The following IPPK variants were observed in gnomAD, a reference collection of about 807,000 sequenced individuals.
The protein encoded by IPPK is inositol-pentakisphosphate 2-kinase, also known as IPK1 homolog.
A neutral mutation model predicts 64.6 loss-of-function variants in IPPK; 22 were observed. That is an observed-to-expected ratio of 0.34 (90% CI 0.24 to 0.49). The LOEUF (loss-of-function observed/expected upper bound fraction) is 0.49, where lower values mean the gene tolerates loss of function less well. IPPK is among the 20% of genes least tolerant of loss of function. The pLI, the probability that IPPK is intolerant of heterozygous loss-of-function variation, is 0.99. For missense variants in IPPK, 532 were observed against 630.7 expected (o/e 0.84, Z 1.68); for synonymous variants, 262 against 247.2 (o/e 1.06, Z -0.56).
chr9:92,659,809 C>G (rs935885857), intron 1 of IPPK, among the ~76,000 whole-genome samples: 1 of 152,130 alleles, frequency 6.6e-6, no homozygotes, highest in African/African-American at 2.4e-5. Flanking sequence ...CAATGTACGT[C>G]GTTGCTCTTA....
At chr9:92,631,650 A>C (rs1452375860) in intron 11 of IPPK, among the ~76,000 whole-genome samples, 1 of 152,230 alleles carries the variant, frequency 6.6e-6, no homozygotes, top group African/African-American at 2.4e-5. Flanking sequence ...GACAGCACGG[A>C]AAGACCTCAA....
At chr9:92,643,498 A>G (rs1400792525) in intron 6 of IPPK, among the ~76,000 whole-genome samples, 1 of 152,192 alleles carries the variant, frequency 6.6e-6, no homozygotes, top group Non-Finnish European at 1.5e-5. Context: ...TGCAGCCACT[A>G]CCAGAAAGAG....
At chr9:92,616,313 A>G in intron 12 of IPPK, 1 of 431,144 alleles carries the variant, frequency 2.3e-6, no homozygotes, top group Non-Finnish European at 4.3e-6. Context: ...ACCAGCGTGC[A>G]AAGCTTCCTC....
chr9:92,631,298 C>T (rs1349689679), intron 11 of IPPK, among the ~76,000 whole-genome samples: 9 of 150,886 alleles, frequency 6.0e-5, no homozygotes, highest in African/African-American at 9.8e-5. Context: ...CGGGTTCAAG[C>T]GATTCTCCTG....
chr9:92,616,083 G>A, intron 12 of IPPK, 26 bp from the exon 13 acceptor site: 1 of 1,511,536 alleles, frequency 6.6e-7, no homozygotes, highest in Non-Finnish European at 9.1e-7. Flanking sequence ...ACCATTTCAG[G>A]ATACACAAGC....
At position 92,613,636 on chromosome 9, in the gene IPPK, G is replaced by A. The variant is rs879361271; in HGVS notation, c.*2196C>T. ...CTCACTCCCTGCCTCCCCCCGGTCC[G>A]CATGGTGGCACCGTGAGGCAGTCTC... On this transcript the variant is annotated 3_prime_UTR_variant, in exon 13 of 13. Transcript: ENST00000287996. 17 of 160,952 alleles carry A rather than the reference G, an allele frequency of 1.1e-4. No individual in the cohort carries two copies. In the East Asian group the frequency reaches 1.6e-3, roughly 15 times the overall value. The allele number at this position is 160,952 out of a possible 1,614,324, so 10.0% of individuals were successfully genotyped here. A position where few individuals can be genotyped will look rare whatever the true frequency, so the allele number is the denominator to read the frequency against.
chr9:92,631,472 G>A (rs1192127390), intron 11 of IPPK, among the ~76,000 whole-genome samples: 3 of 152,172 alleles, frequency 2.0e-5, no homozygotes, highest in African/African-American at 7.2e-5. Flanking sequence ...GTAAGCTGCC[G>A]TACCCGGCCC....
chr9:92,633,026 T>TTA (rs1851873313), intron 11 of IPPK, among the ~76,000 whole-genome samples: 1 of 151,372 alleles, frequency 6.6e-6, no homozygotes, highest in Non-Finnish European at 1.5e-5. Flanking sequence ...TTTTTTTTTT[T>TTA]ATGAGATGGA....
At chr9:92,669,378 G>A (rs1852676368) in intron 1 of IPPK, among the ~76,000 whole-genome samples, 2 of 152,230 alleles carry the variant, frequency 1.3e-5, no homozygotes, top group African/African-American at 4.8e-5. Context: ...GAGGACCTGT[G>A]GACAACATCC....
chr9:92,638,336 G>C (rs1851984540), intron 8 of IPPK, 56 bp from the exon 9 acceptor site: 1 of 1,568,298 alleles, frequency 6.4e-7, no homozygotes, highest in African/African-American at 1.3e-5. Context: ...TGTAGGAAAA[G>C]AACTCAGTCC....
intron 1 of IPPK, among the ~76,000 whole-genome samples, chr9:92,668,163 G>A (rs890228275): frequency 3.3e-5 from 5 of 151,992 alleles, no homozygotes; most frequent in African/African-American, 7.3e-5. Context: ...AGCTACTCGG[G>A]AGGCTGAGGC....
intron 7 of IPPK, among the ~76,000 whole-genome samples, chr9:92,642,448 G>A (rs1178828441): frequency 2.0e-5 from 3 of 152,258 alleles, no homozygotes; most frequent in Admixed American, 6.5e-5. Context: ...GGGCCCAGAC[G>A]GATGGAGGTC....
intron 11 of IPPK, among the ~76,000 whole-genome samples, chr9:92,632,941 T>C (rs1851871869): frequency 6.6e-6 from 1 of 152,038 alleles, no homozygotes; most frequent in Non-Finnish European, 1.5e-5. Context: ...AGAACAGGTT[T>C]CCTCACTGCT....
chr9:92,639,702 T>C (rs998718217), intron 8 of IPPK, among the ~76,000 whole-genome samples: 4 of 152,312 alleles, frequency 2.6e-5, no homozygotes, highest in Admixed American at 2.6e-4. Flanking sequence ...ACAGAATGTA[T>C]CTTCAGGGCT....
At chr9:92,621,044 C>CT (rs1286821264) in intron 11 of IPPK, among the ~76,000 whole-genome samples, 2 of 152,228 alleles carry the variant, frequency 1.3e-5, no homozygotes, top group Non-Finnish European at 2.9e-5. Context: ...CCACAGCCCT[C>CT]TTTTCACTGT....
intron 12 of IPPK, 54 bp downstream of exon 12, chr9:92,619,432 T>C (rs752325146): frequency 7.3e-7 from 1 of 1,370,122 alleles, no homozygotes; most frequent in Non-Finnish European, 1.0e-6. Flanking sequence ...ATTCACCAAC[T>C]GTCCATAAAA....
At position 92,623,863 on chromosome 9, in the gene IPPK, T is replaced by G. The variant is rs1429668444; in HGVS notation, c.1171-4298A>C. 5.3e-5 allele frequency among the ~76,000 whole-genome samples: 8 copies of G among 152,342 alleles called. No individual in the cohort carries two copies. In the East Asian group the frequency reaches 1.5e-3, roughly 29 times the overall value. Reference sequence around the variant, plus strand: ...CAGAAATCCCACTCCTAGGGATATATCCAAGAGAAATGTGTGCACATGTAC... The same window carrying G: ...CAGAAATCCCACTCCTAGGGATATAGCCAAGAGAAATGTGTGCACATGTAC... On this transcript the variant is annotated intron_variant, in intron 11 of 12. Transcript: ENST00000287996.
In IPPK at chr9:92,659,148, G is replaced by T. The variant is rs79868162; in HGVS notation, c.82-467C>A. On this transcript the variant is annotated intron_variant, in intron 1 of 12. Coordinates refer to ENST00000287996, the MANE Select transcript of IPPK (RefSeq NM_022755.6). ...TATTTTCATAAAAAGAGAAATACAC[G>T]TGAGCACACACACGTATGGGTGTAA... Among the ~76,000 whole-genome samples the T allele has an allele frequency of 1.3e-4, 20 of 152,244 alleles. No homozygotes were observed. In the East Asian group the frequency reaches 3.7e-3, roughly 28 times the overall value.
chr9:92,621,507 CTT>C (rs58003734), intron 11 of IPPK, among the ~76,000 whole-genome samples: 8 of 87,812 alleles, frequency 9.1e-5, no homozygotes, highest in East Asian at 2.9e-4. Context: ...AATACCATTC[CTT>C]TTTTTTTTTT....
Sources: gnomAD v4.1 joint callset for allele counts (sites outside exome capture counted in the v4.1 genomes callset) on GRCh38, gnomAD v4.1.1 for gene constraint, MANE v1.5 for transcripts, NCBI Gene and HGNC (gene_info 2026-07-23, HGNC 2026-07-21) for gene names.